PLG: variants seen among roughly 807,000 people sequenced by gnomAD.
PLG encodes the protein plasminogen.
PLG carries 41 observed loss-of-function variants against 104.4 expected under a neutral mutation model. The ratio of observed to expected loss-of-function variants is 0.39; its 90% CI spans 0.31 to 0.51. The LOEUF is 0.51. PLG is among the 20% of genes least tolerant of loss of function. The pLI, the probability that PLG is intolerant of heterozygous loss-of-function variation, is 0.76. For missense variants in PLG, 891 were observed against 1,003.6 expected, an observed-to-expected ratio of 0.89 and a Z score of 1.52; for synonymous variants, 337 against 357.1, an observed-to-expected ratio of 0.94 and a Z score of 0.63.
intron 17 of PLG, among the ~76,000 whole-genome samples, chr6:160,742,923 G>A (rs1462041672): frequency 1.3e-5 from 2 of 151,502 alleles, no homozygotes; most frequent in East Asian, 3.9e-4. Context: ...CCCATTGCTT[G>A]TTTTTGTCAG....
Position 160,731,629 on chromosome 6 carries a change from T to A in PLG, c.1439-116T>A. The A allele has an allele frequency of 1.0e-6, 1 of 985,512 alleles. No individual in the cohort carries two copies. The highest frequency in any genetic ancestry group is 1.6e-6 in the Non-Finnish European group (1 of 614,584). The allele number at this position is 985,512 out of a possible 1,614,324, so 61.0% of individuals were successfully genotyped here. A position where few individuals can be genotyped will look rare whatever the true frequency, so the allele number is the denominator to read the frequency against. ...TTGCAGTCTTCAGCATTGCAGTTTC[T>A]GAGGAATGTGGCCCCTGATTCTGTC... On this transcript the variant is annotated intron_variant, in intron 11 of 18. Transcript: ENST00000308192. This position sits in a 1 kb window ranked among gnomAD's most constrained non-coding sequence, Gnocchi z 5.1.
chr6:160,704,018 C>G (rs1562369749), intron 1 of PLG, among the ~76,000 whole-genome samples: 1 of 152,200 alleles, frequency 6.6e-6, no homozygotes, highest in African/African-American at 2.4e-5. Flanking sequence ...TTTACACATG[C>G]AAATATGCAT....
chr6:160,743,476 A>G (rs543952111), intron 17 of PLG, among the ~76,000 whole-genome samples: 13 of 152,284 alleles, frequency 8.5e-5, no homozygotes, highest in Admixed American at 1.3e-4. Flanking sequence ...TTGTTGGTGT[A>G]AAGGGATGCT....
chr6:160,732,910 A>G lies in PLG; in HGVS notation c.1587+1017A>G, dbSNP rs1283190532. ...TATGGAGGCTTCATTACAGAGGCACAGTTGAATACATCGTTGGCCATTGGA... is the reference window on the plus strand; with the variant it reads ...TATGGAGGCTTCATTACAGAGGCACGGTTGAATACATCGTTGGCCATTGGA... On this transcript the variant is annotated intron_variant, in intron 12 of 18. Transcript: ENST00000308192. This position sits in a 1 kb window ranked among gnomAD's most constrained non-coding sequence, Gnocchi z 4.5. Among the ~76,000 whole-genome samples the G allele has an allele frequency of 6.6e-6, 1 of 152,130 alleles. No individual in the cohort carries two copies. Among genetic ancestry groups the G allele is most frequent in the Non-Finnish European group, 1.5e-5 (1 of 68,022 alleles).
chr6:160,716,843 T>G lies in PLG; in HGVS notation c.787+80T>G, dbSNP rs1777740692. On this transcript the variant is annotated intron_variant, in intron 7 of 18. Coordinates refer to ENST00000308192, the MANE Select transcript of PLG (RefSeq NM_000301.5). ...TCAAAAGAAAACATGTGTCAGTGCCTGAGTGCAGCCTCTGAAAAGTGACCT... is the reference window on the plus strand; with the variant it reads ...TCAAAAGAAAACATGTGTCAGTGCCGGAGTGCAGCCTCTGAAAAGTGACCT... 3.5e-6 allele frequency: 3 copies of G among 865,072 alleles called. No individual in the cohort carries two copies. In the African/African-American group the frequency reaches 5.0e-5, roughly 14 times the overall value. The allele number at this position is 865,072 out of a possible 1,614,324, so 53.6% of individuals were successfully genotyped here.
rs1185987996 is a variant in PLG at position 160,740,406 on chromosome 6, T to G, written c.2019-905T>G. Among the ~76,000 whole-genome samples the G allele has an allele frequency of 6.6e-6, 1 of 152,184 alleles. No individual in the cohort carries two copies. Among genetic ancestry groups the G allele is most frequent in the Admixed American group, 6.5e-5 (1 of 15,280 alleles). Reference sequence around the variant, plus strand: ...GCTTGAACAAGTAATTTGGAAATTTTGGGTTTTGGAGGAGTTCTCTGATAG... The same window carrying G: ...GCTTGAACAAGTAATTTGGAAATTTGGGGTTTTGGAGGAGTTCTCTGATAG... On this transcript the variant is annotated intron_variant, in intron 16 of 18. Coordinates refer to ENST00000308192, the MANE Select transcript of PLG (RefSeq NM_000301.5). The surrounding 1 kb of genome is among the most constrained non-coding windows in gnomAD (Gnocchi z 5.2).
At position 160,711,063 on chromosome 6, in the gene PLG, G is replaced by A. The variant is rs773735177; in HGVS notation, c.293-14G>A. 9 of 1,612,642 alleles carry A rather than the reference G, an allele frequency of 5.6e-6. No individual in the cohort carries two copies. Among genetic ancestry groups the A allele is most frequent in the Non-Finnish European group, 7.6e-6 (9 of 1,178,882 alleles). On this transcript the variant is annotated splice_polypyrimidine_tract_variant and intron_variant, in intron 3 of 18. Coordinates refer to ENST00000308192, the MANE Select transcript of PLG (RefSeq NM_000301.5). ...TTGTGAAAGACTTTGACCACTGTGT[G>A]GACTTCCCTTCAGTGTATCTCTCAG...
chr6:160,715,504 G>T (rs781039981), intron 6 of PLG, among the ~76,000 whole-genome samples: 2 of 152,182 alleles, frequency 1.3e-5, no homozygotes, highest in African/African-American at 4.8e-5. Context: ...ATAAGAATAA[G>T]CTTCTTGCTC....
intron 17 of PLG, among the ~76,000 whole-genome samples, chr6:160,748,374 A>AGAG (rs1778320766): frequency 1.6e-4 from 9 of 55,284 alleles, no homozygotes; most frequent in East Asian, 9.6e-4. Flanking sequence ...GAAAGAAAGA[A>AGAG]AGAAAGAAAG....
In PLG at chr6:160,711,059, G is replaced by C. The variant is rs956930594; in HGVS notation, c.293-18G>C. On this transcript the variant is annotated intron_variant, in intron 3 of 18. Coordinates refer to ENST00000308192, the MANE Select transcript of PLG (RefSeq NM_000301.5). ...TGTCTTGTGAAAGACTTTGACCACT[G>C]TGTGGACTTCCCTTCAGTGTATCTC... 8.7e-6 allele frequency: 14 copies of C among 1,612,554 alleles called. No individual in the cohort carries two copies. In the East Asian group the frequency reaches 2.7e-4, roughly 31 times the overall value.
At chr6:160,717,874 G>A (rs1777765012) in intron 7 of PLG, among the ~76,000 whole-genome samples, 2 of 152,298 alleles carry the variant, frequency 1.3e-5, no homozygotes, top group Admixed American at 1.3e-4. Context: ...AATTCCAAGA[G>A]AGGCTGAGCA....
chr6:160,736,739 T>C lies in PLG; in HGVS notation c.1682-148T>C. 9.8e-7 allele frequency: 1 copy of C among 1,015,256 alleles called. No homozygotes were observed. Among genetic ancestry groups the C allele is most frequent in the Non-Finnish European group, 1.5e-6 (1 of 674,526 alleles). The allele number at this position is 1,015,256 out of a possible 1,614,324, so 62.9% of individuals were successfully genotyped here. A position where few individuals can be genotyped will look rare whatever the true frequency, so the allele number is the denominator to read the frequency against. On this transcript the variant is annotated intron_variant, in intron 13 of 18. Coordinates refer to ENST00000308192, the MANE Select transcript of PLG (RefSeq NM_000301.5). The surrounding 1 kb of genome is among the most constrained non-coding windows in gnomAD (Gnocchi z 5.2). ...GTTGTCTACTACCACTTTTGAAACT[T>C]AGAGAAAATGTTCCAAAAGATGATG... is the stretch of plus-strand genomic sequence containing the variant.
At position 160,731,063 on chromosome 6, in the gene PLG, G is replaced by T. The variant is rs763477607; in HGVS notation, c.1269G>T (p.Met423Ile). 4 of 1,613,818 alleles carry T rather than the reference G, an allele frequency of 2.5e-6. No homozygotes were observed. In the East Asian group the frequency reaches 8.9e-5, roughly 36 times the overall value. The change falls in exon 11 of 19, where the codon ATG (methionine) becomes ATT (isoleucine). Residue 423 changes from methionine (M) to isoleucine (I), a missense_variant. Physicochemically the swap from Met to Ile is conservative, Grantham distance 10. Around this residue, in one of 2 missense-constraint regions of PLG, gnomAD observed 854 missense variants for 932.1 expected, o/e 0.92. Coordinates refer to ENST00000308192, the MANE Select transcript of PLG (RefSeq NM_000301.5). This position sits in a 1 kb window ranked among gnomAD's most constrained non-coding sequence, Gnocchi z 5.1. ...TTGGAATTTCCAGTGGCCTGACAAT[G>T]AACTACTGCAGGAATCCAGATGCCG... ...PENYPNAGLT[M>I]NYCRNPDADK...
chr6:160,751,485 CT>C (rs1188077101), intron 17 of PLG, among the ~76,000 whole-genome samples: 5 of 152,200 alleles, frequency 3.3e-5, no homozygotes, highest in Non-Finnish European at 5.9e-5. Flanking sequence ...GATGACTATT[CT>C]TTTTTATTGC....
chr6:160,715,894 C>A (rs1777719816), intron 6 of PLG, among the ~76,000 whole-genome samples: 1 of 152,226 alleles, frequency 6.6e-6, no homozygotes, highest in Non-Finnish European at 1.5e-5. Context: ...TCCTGGTAAG[C>A]ATTTACAATC....
rs4252168 is a variant in PLG at position 160,741,038 on chromosome 6, G to A, written c.2019-273G>A. ...TGCACAGAATATACATGAGAAGTGC[G>A]CCTTTGTCATCCCTACTTTCAAAGG... On this transcript the variant is annotated intron_variant, in intron 16 of 18. Transcript: ENST00000308192. This position sits in a 1 kb window ranked among gnomAD's most constrained non-coding sequence, Gnocchi z 4.7. 9.5e-3 allele frequency among the ~76,000 whole-genome samples: 1,446 copies of A among 152,254 alleles called. 21 individuals are homozygous for A. The highest frequency in any genetic ancestry group is 0.034 in the African/African-American group (1,395 of 41,540).
rs1469020876 is a variant in PLG at position 160,730,295 on chromosome 6, C to T, written c.1257-756C>T. ...CTGTTCTTCCAACTCATCCCCCATT[C>T]CCTCAGACCTGGAGTGGCAGTGGCC... On this transcript the variant is annotated intron_variant, in intron 10 of 18. Coordinates refer to ENST00000308192, the MANE Select transcript of PLG (RefSeq NM_000301.5). Among the ~76,000 whole-genome samples the T allele has an allele frequency of 2.0e-5, 3 of 152,242 alleles. No homozygotes were observed. In the East Asian group the frequency reaches 5.8e-4, roughly 29 times the overall value.
chr6:160,752,853 G>T lies in PLG; in HGVS notation c.2272-47G>T, dbSNP rs1778428558. 1 of 1,598,148 alleles carries T rather than the reference G, an allele frequency of 6.3e-7. No homozygotes were observed. Among genetic ancestry groups the T allele is most frequent in the African/African-American group, 1.3e-5 (1 of 74,650 alleles). On this transcript the variant is annotated intron_variant, in intron 18 of 18. Coordinates refer to ENST00000308192, the MANE Select transcript of PLG (RefSeq NM_000301.5). The surrounding 1 kb of genome is among the most constrained non-coding windows in gnomAD (Gnocchi z 4.7). ...AGAAGGATGGCATCCCATAATAAAA[G>T]GCAGGCAGCCTAACCCTCACATGCA...
chr6:160,713,256 C>G, intron 5 of PLG, 131 bp downstream of exon 5: 2 of 798,984 alleles, frequency 2.5e-6, no homozygotes. Flanking sequence ...AGAAGCAAAA[C>G]CCCAGAATTA....
Sources: allele counts gnomAD v4.1 joint callset (sites outside exome capture counted in the v4.1 genomes callset), GRCh38; gene constraint gnomAD v4.1.1; regional missense constraint gnomAD v4.1.1; non-coding constraint Gnocchi (gnomAD v3.1); transcripts MANE v1.5; gene names NCBI Gene and HGNC (gene_info 2026-07-23, HGNC 2026-07-21).